Variants in FAM81A observed in about 807,000 individuals in gnomAD.
FAM81A encodes the protein protein FAM81A.
FAM81A carries 19 observed loss-of-function variants against 46.7 expected under a neutral mutation model. The ratio of observed to expected loss-of-function variants is 0.41; its 90% CI spans 0.28 to 0.60. The LOEUF (loss-of-function observed/expected upper bound fraction) is 0.60, where lower values mean the gene tolerates loss of function less well. Among genes scored for constraint, FAM81A ranks in the 20% least tolerant of loss-of-function variants. The pLI is 0.34. For missense variants in FAM81A, 377 were observed against 453.5 expected (o/e 0.83, Z 1.53); for synonymous variants, 183 against 152.9 (o/e 1.20, Z -1.45).
At chr15:59,450,063 T>C (rs2081399997) in intron 1 of FAM81A, among the ~76,000 whole-genome samples, 1 of 149,972 alleles carries the variant, frequency 6.7e-6, no homozygotes, top group African/African-American at 2.5e-5. Context: ...GCTGGGACAA[T>C]AGGTGTGTGC....
At chr15:59,410,461 C>T (rs2081115556) in intron 2 of FAM81A, among the ~76,000 whole-genome samples, 2 of 152,178 alleles carry the variant, frequency 1.3e-5, no homozygotes, top group African/African-American at 4.8e-5. Context: ...AAACCTTATC[C>T]TCCTCTGTGC....
At chr15:59,423,844 T>C (rs1375344751) in intron 2 of FAM81A, among the ~76,000 whole-genome samples, 1 of 152,254 alleles carries the variant, frequency 6.6e-6, no homozygotes, top group Non-Finnish European at 1.5e-5. Flanking sequence ...CTTATATCAC[T>C]GATTTCTCTT....
In FAM81A at chr15:59,460,203, C is replaced by T. The variant is rs368486302; in HGVS notation, c.291C>T (p.Ile97=). The change falls in exon 3 of 9, where the codon ATC becomes ATT. Residue 97 remains isoleucine, a synonymous_variant. Transcript: ENST00000288228. The surrounding 1 kb of genome is among the most constrained non-coding windows in gnomAD (Gnocchi z 4.4). ...TAGTGAAGCAACTTAATCGGGATAT[C>T]GAGGTAAGGTTTGTGAAAGTCAGGT... is the stretch of plus-strand genomic sequence containing the variant. The part of the protein sequence containing the change: ...TAIVKQLNRD[I]EVLQEQIRAR... 5.6e-6 allele frequency: 9 copies of T among 1,613,858 alleles called. No homozygotes were observed. Among genetic ancestry groups the T allele is most frequent in the African/African-American group, 5.3e-5 (4 of 74,918 alleles).
chr15:59,514,829 A>C (rs2082250068), intron 7 of FAM81A, among the ~76,000 whole-genome samples: 2 of 152,236 alleles, frequency 1.3e-5, no homozygotes, highest in South Asian at 4.1e-4. Flanking sequence ...TACTGTAGCT[A>C]CATGTGAGAT....
chr15:59,496,079 A>T (rs1178978626), intron 4 of FAM81A, among the ~76,000 whole-genome samples: 1 of 152,188 alleles, frequency 6.6e-6, no homozygotes, highest in Non-Finnish European at 1.5e-5. Context: ...CATATTTAAG[A>T]AACTCTTGCC....
At chr15:59,411,995 CA>C (rs397736383) in intron 2 of FAM81A, among the ~76,000 whole-genome samples, 1,747 of 121,116 alleles carry the variant, frequency 0.014, 35 homozygotes, top group African/African-American at 0.048. Context: ...AAGAAACAAA[CA>C]AAAAAAAAAA....
intron 1 of FAM81A, chr15:59,401,551 A>G: frequency 1.3e-6 from 1 of 766,694 alleles, no homozygotes; most frequent in Non-Finnish European, 2.4e-6. Context: ...AGACATTAGT[A>G]ACCACCCTCT....
chr15:59,487,457 T>A (rs1289619745), intron 3 of FAM81A, among the ~76,000 whole-genome samples: 7 of 150,846 alleles, frequency 4.6e-5, no homozygotes, highest in African/African-American at 1.7e-4. Flanking sequence ...TTTAAAAAAA[T>A]CAATGAAACA....
chr15:59,498,979 T>A (rs2082062854), intron 4 of FAM81A, among the ~76,000 whole-genome samples: 1 of 152,214 alleles, frequency 6.6e-6, no homozygotes, highest in African/African-American at 2.4e-5. Context: ...CAAATGTGGA[T>A]TTTTTTGTAT....
chr15:59,474,196 C>A (rs117747262), intron 3 of FAM81A, among the ~76,000 whole-genome samples: 1 of 152,272 alleles, frequency 6.6e-6, no homozygotes, highest in Non-Finnish European at 1.5e-5. Context: ...AGAGAGGAAC[C>A]TTGTCTTCCT....
intron 1 of FAM81A, chr15:59,401,787 GT>G (rs2081072070): frequency 1.4e-6 from 1 of 718,246 alleles, no homozygotes. Context: ...TTTTTTTTTG[GT>G]GTTTCTCTTT....
At chr15:59,406,701 GTC>G (rs2081096272) in intron 2 of FAM81A, among the ~76,000 whole-genome samples, 1 of 152,012 alleles carries the variant, frequency 6.6e-6, no homozygotes, top group African/African-American at 2.4e-5. Context: ...TCTACTTTCT[GTC>G]TCTATAAATT....
chr15:59,400,719 T>C (rs756642911), intron 1 of FAM81A, among the ~76,000 whole-genome samples: 10 of 152,230 alleles, frequency 6.6e-5, no homozygotes, highest in Non-Finnish European at 1.3e-4. Flanking sequence ...TGCAATGCTC[T>C]TTTCTTCTCC....
intron 1 of FAM81A, among the ~76,000 whole-genome samples, chr15:59,447,590 C>T (rs1267417801): frequency 1.3e-5 from 2 of 152,322 alleles, no homozygotes; most frequent in East Asian, 3.9e-4. Context: ...TGGAAAGCTC[C>T]TGCTATTAGC....
intron 3 of FAM81A, among the ~76,000 whole-genome samples, chr15:59,464,766 T>C (rs933480619): frequency 2.6e-5 from 4 of 152,238 alleles, no homozygotes; most frequent in Admixed American, 1.3e-4. Flanking sequence ...CTGTAGATTG[T>C]CTTTTCACTT....
chr15:59,443,844 A>G (rs969454889), intron 1 of FAM81A: 7 of 152,222 alleles, frequency 4.6e-5, no homozygotes, highest in African/African-American at 1.7e-4. Context: ...ACTGGCCTCA[A>G]TCGACTGTTC....
intron 3 of FAM81A, among the ~76,000 whole-genome samples, chr15:59,477,937 A>G (rs1407050308): frequency 6.6e-6 from 1 of 152,216 alleles, no homozygotes; most frequent in Non-Finnish European, 1.5e-5. Flanking sequence ...CTTTCCACCA[A>G]TGATCATCAT....
chr15:59,514,570 T>A, intron 7 of FAM81A, 146 bp downstream of exon 7: 1 of 1,065,066 alleles, frequency 9.4e-7, no homozygotes, highest in Non-Finnish European at 1.3e-6. Flanking sequence ...TCCATATTGA[T>A]GCTTTGTATT....
chr15:59,458,749 A>G (rs2081514255), intron 2 of FAM81A, 103 bp downstream of exon 2: 1 of 1,128,868 alleles, frequency 8.9e-7, no homozygotes, highest in Non-Finnish European at 1.3e-6. Flanking sequence ...GTTTTGTTCA[A>G]GGGCAAGAGA....
Sources: gnomAD v4.1 joint callset for allele counts (sites outside exome capture counted in the v4.1 genomes callset) on GRCh38, gnomAD v4.1.1 for gene constraint, Gnocchi (gnomAD v3.1) non-coding constraint, MANE v1.5 for transcripts, NCBI Gene and HGNC (gene_info 2026-07-23, HGNC 2026-07-21) for gene names.